The following TLN2 variants were observed in gnomAD, a reference collection of about 807,000 sequenced individuals.
The protein encoded by TLN2 is talin 2, also known as talin-2.
Under a neutral mutation model 294.7 loss-of-function variants are expected in TLN2, and 118 were observed. The ratio of observed to expected loss-of-function variants is 0.40; its 90% CI spans 0.34 to 0.47. TLN2 has a LOEUF of 0.47. TLN2 is among the 20% of genes least tolerant of loss of function. The pLI, the probability that TLN2 is intolerant of heterozygous loss-of-function variation, is 0.84. For missense variants in TLN2, 3,083 were observed against 3,282.2 expected, an observed-to-expected ratio of 0.94 and a Z score of 1.48; for synonymous variants, 1,431 against 1,304.5, an observed-to-expected ratio of 1.10 and a Z score of -2.09.
At chr15:62,837,096 A>G (rs914617434) in intron 57 of TLN2, among the ~76,000 whole-genome samples, 1 of 152,224 alleles carries the variant, frequency 6.6e-6, no homozygotes, top group Non-Finnish European at 1.5e-5. Context: ...TATTGCTAAA[A>G]GTATGTTTAC....
chr15:62,522,789 C>A (rs1333875828), intron 1 of TLN2, among the ~76,000 whole-genome samples: 2 of 142,206 alleles, frequency 1.4e-5, no homozygotes, highest in South Asian at 2.2e-4. Context: ...TTTCAGAGTT[C>A]AAAAACCAGA....
At position 62,630,421 on chromosome 15, in the gene TLN2, C is replaced by G. The variant is rs552943666; in HGVS notation, c.-37+11946C>G. 5.1e-4 allele frequency among the ~76,000 whole-genome samples: 78 copies of G among 152,204 alleles called. 1 individual carries two copies. The South Asian group carries it at 9.6e-3, about 19-fold the overall frequency. On this transcript the variant is annotated intron_variant, in intron 3 of 58. Coordinates refer to ENST00000636159, the MANE Select transcript of TLN2 (RefSeq NM_015059.3). ...TGATATTTTTGCTTTTAAATACATC[C>G]CACTCTGTTCCCACTGGCCCTGCGG...
At chr15:62,559,993 A>G (rs1431204975) in intron 1 of TLN2, among the ~76,000 whole-genome samples, 1 of 152,148 alleles carries the variant, frequency 6.6e-6, no homozygotes, top group African/African-American at 2.4e-5. Context: ...TCCACTGGCC[A>G]GAATTGGCCT....
intron 32 of TLN2, among the ~76,000 whole-genome samples, chr15:62,745,877 G>C (rs1408086184): frequency 4.6e-5 from 7 of 152,154 alleles, no homozygotes; most frequent in African/African-American, 1.2e-4. Context: ...ATGGGAATTC[G>C]TGATAGCTAA....
chr15:62,553,667 A>T (rs778143813), intron 1 of TLN2, among the ~76,000 whole-genome samples: 21 of 152,248 alleles, frequency 1.4e-4, no homozygotes, highest in Non-Finnish European at 2.6e-4. Context: ...GCACATAAAA[A>T]TAAATGAATT....
At chr15:62,655,540 C>T (rs1409393305) in intron 7 of TLN2, among the ~76,000 whole-genome samples, 2 of 152,126 alleles carry the variant, frequency 1.3e-5, no homozygotes, top group African/African-American at 2.4e-5. Flanking sequence ...AGTATCTGCC[C>T]TCCACCCTGC....
chr15:62,398,049 T>TA (rs2032703375), intron 1 of TLN2, among the ~76,000 whole-genome samples: 1 of 152,212 alleles, frequency 6.6e-6, no homozygotes, highest in African/African-American at 2.4e-5. Flanking sequence ...CCAGCCGTGT[T>TA]ATGGATGTGA....
chr15:62,650,301 G>A, intron 5 of TLN2, 120 bp downstream of exon 5: 1 of 986,456 alleles, frequency 1.0e-6, no homozygotes, highest in South Asian at 1.6e-5. Context: ...TCGATGCATT[G>A]TACTTTGTAA....
intron 31 of TLN2, 21 bp downstream of exon 31, chr15:62,739,566 C>G: frequency 6.2e-7 from 1 of 1,613,364 alleles, no homozygotes; most frequent in Non-Finnish European, 8.5e-7. Context: ...AGGTGGTTGT[C>G]TGGAGTTGAC....
At chr15:62,683,520 CCTGCATTCTCCCGCCTCTCATTG>C (rs2057030438) in intron 11 of TLN2, among the ~76,000 whole-genome samples, 1 of 137,140 alleles carries the variant, frequency 7.3e-6, no homozygotes, top group Non-Finnish European at 1.6e-5. Flanking sequence ...TGGTAGAATG[CCTGCATTCTCCCGCCTCTCATTG>C]GTAGAATGCC....
At chr15:62,589,915 C>G (rs1449422588) in intron 2 of TLN2, among the ~76,000 whole-genome samples, 153 bp downstream of exon 2, 2 of 152,182 alleles carry the variant, frequency 1.3e-5, no homozygotes, top group African/African-American at 2.4e-5. Context: ...GTGCCCGGTC[C>G]TAATATTCCC....
chr15:62,709,954 C>T (rs1291884264), intron 21 of TLN2, among the ~76,000 whole-genome samples: 1 of 152,058 alleles, frequency 6.6e-6, no homozygotes, highest in Non-Finnish European at 1.5e-5. Context: ...AGGCTGGTCT[C>T]GAACTCCTGA....
chr15:62,692,813 A>T (rs1326755323), intron 12 of TLN2, 27 bp from the exon 13 acceptor site: 2 of 1,588,572 alleles, frequency 1.3e-6, no homozygotes, highest in Non-Finnish European at 1.7e-6. Context: ...TGATTTGGCT[A>T]TATTTCCTCC....
intron 43 of TLN2, 127 bp downstream of exon 43, chr15:62,777,037 T>G (rs921317067): frequency 1.2e-6 from 1 of 850,804 alleles, no homozygotes; most frequent in African/African-American, 1.8e-5. Flanking sequence ...CTAGTTAATG[T>G]ACAGATATCC....
At chr15:62,520,618 C>T (rs1050197073) in intron 1 of TLN2, among the ~76,000 whole-genome samples, 20 of 152,270 alleles carry the variant, frequency 1.3e-4, no homozygotes, top group African/African-American at 3.1e-4. Context: ...TTCTTCTAAA[C>T]GGGAAACATA....
At chr15:62,801,593 C>T (rs1596046864) in intron 50 of TLN2, among the ~76,000 whole-genome samples, 1 of 152,244 alleles carries the variant, frequency 6.6e-6, no homozygotes, top group African/African-American at 2.4e-5. Flanking sequence ...AACAATTTTG[C>T]AGGGTTTTGC....
chr15:62,438,208 G>T (rs1117802), intron 1 of TLN2, among the ~76,000 whole-genome samples: 139,058 of 152,260 alleles, frequency 0.91, 64,532 homozygotes, highest in East Asian at 1. Flanking sequence ...ATCCAGTAGT[G>T]GTTATTTAAG....
At chr15:62,751,250 G>A (rs2061924192) in intron 34 of TLN2, among the ~76,000 whole-genome samples, 1 of 152,212 alleles carries the variant, frequency 6.6e-6, no homozygotes, top group East Asian at 1.9e-4. Flanking sequence ...GGAGAAGAAT[G>A]GATGTCGAGC....
chr15:62,588,893 G>A (rs1947918674), intron 1 of TLN2, among the ~76,000 whole-genome samples: 1 of 150,608 alleles, frequency 6.6e-6, no homozygotes, highest in African/African-American at 2.4e-5. Context: ...ATGAGTACTG[G>A]TACTCATTTG....
Sources: gnomAD v4.1 joint callset for allele counts (sites outside exome capture counted in the v4.1 genomes callset) on GRCh38, gnomAD v4.1.1 for gene constraint, MANE v1.5 for transcripts, NCBI Gene and HGNC (gene_info 2026-07-23, HGNC 2026-07-21) for gene names.